GRID2: variants seen among roughly 807,000 people sequenced by gnomAD.
GRID2 encodes the protein glutamate ionotropic receptor delta type subunit 2.
Under a neutral mutation model 114.8 loss-of-function variants are expected in GRID2, and 33 were observed. That is an observed-to-expected ratio of 0.29 (90% confidence interval 0.22 to 0.38). The LOEUF (loss-of-function observed/expected upper bound fraction) is 0.38. Ranked by LOEUF, GRID2 falls within the 10% of genes least tolerant of loss-of-function variation. GRID2 has a pLI of 1.00. For missense variants in GRID2, 1,184 were observed against 1,257.7 expected (o/e 0.94, Z 0.89); for synonymous variants, 505 against 449.9 (o/e 1.12, Z -1.55).
intron 2 of GRID2, among the ~76,000 whole-genome samples, chr4:92,714,665 G>T (rs1349143477): frequency 3.3e-5 from 5 of 152,118 alleles, no homozygotes; most frequent in Admixed American, 3.3e-4. Flanking sequence ...GCACCCACAG[G>T]CTCAATGCCA....
intron 5 of GRID2, among the ~76,000 whole-genome samples, chr4:93,211,560 A>G (rs558733806): frequency 5.3e-5 from 8 of 152,226 alleles, no homozygotes; most frequent in African/African-American, 1.9e-4. Context: ...GGAGACCTCA[A>G]TTATTTTCTT....
chr4:93,161,634 A>G (rs1295868529), intron 4 of GRID2, among the ~76,000 whole-genome samples: 2 of 151,872 alleles, frequency 1.3e-5, no homozygotes, highest in African/African-American at 4.8e-5. Flanking sequence ...ATTAAGCACC[A>G]GACTCAACAC....
At chr4:93,510,929 A>G (rs1360382201) in intron 12 of GRID2, among the ~76,000 whole-genome samples, 1 of 151,690 alleles carries the variant, frequency 6.6e-6, no homozygotes, top group Non-Finnish European at 1.5e-5. Flanking sequence ...ATTTAATTGT[A>G]TTATTTTTAT....
At chr4:92,544,875 A>C (rs192439918) in intron 1 of GRID2, among the ~76,000 whole-genome samples, 1 of 152,154 alleles carries the variant, frequency 6.6e-6, no homozygotes, top group African/African-American at 2.4e-5. Flanking sequence ...CTTCATCTAA[A>C]TCATGCCGCA....
intron 1 of GRID2, among the ~76,000 whole-genome samples, chr4:92,436,587 A>AGAT (rs968796189): frequency 6.6e-6 from 1 of 152,096 alleles, no homozygotes; most frequent in African/African-American, 2.4e-5. Context: ...TGAAGTGTAC[A>AGAT]GATAGTCTTG....
rs566044019 is a variant in GRID2, at chr4:92,431,608, C to T, written c.88+126864C>T. 1.6e-3 allele frequency among the ~76,000 whole-genome samples: 240 copies of T among 147,674 alleles called. 1 individual carries two copies. Among genetic ancestry groups the T allele is most frequent in the Non-Finnish European group, 2.7e-3 (183 of 67,222 alleles). ...TTTTTTTTTAATAACAGTGTAATAT[C>T]CTTCAAACATGAATAAGAAAGACTT... On this transcript the variant is annotated intron_variant, in intron 1 of 15. Transcript: ENST00000282020.
At chr4:93,292,509 AG>A in intron 8 of GRID2, among the ~76,000 whole-genome samples, 1 of 152,304 alleles carries the variant, frequency 6.6e-6, no homozygotes, top group South Asian at 2.1e-4. Flanking sequence ...TTTCTTTCCC[AG>A]GTAGAAACTC....
At chr4:92,757,346 T>TG (rs1324025630) in intron 2 of GRID2, among the ~76,000 whole-genome samples, 1 of 152,066 alleles carries the variant, frequency 6.6e-6, no homozygotes, top group Non-Finnish European at 1.5e-5. Context: ...ATGCTATCTG[T>TG]GATGAGGTAA....
chr4:93,027,770 A>C (rs2149253686), intron 2 of GRID2, among the ~76,000 whole-genome samples: 1 of 152,262 alleles, frequency 6.6e-6, no homozygotes, highest in South Asian at 2.1e-4. Flanking sequence ...AAATACCTAA[A>C]TACAAATTTA....
intron 1 of GRID2, among the ~76,000 whole-genome samples, chr4:93,783,860 C>G (rs923277776): frequency 4.0e-5 from 6 of 151,600 alleles, no homozygotes; most frequent in Non-Finnish European, 8.8e-5. Flanking sequence ...ATCACGAGGT[C>G]AGGAGATCGA....
At chr4:92,476,767 T>C (rs1340632153) in intron 1 of GRID2, among the ~76,000 whole-genome samples, 1 of 152,196 alleles carries the variant, frequency 6.6e-6, no homozygotes, top group Admixed American at 6.5e-5. Flanking sequence ...TTTACTTAAT[T>C]ACTATCACAA....
intron 2 of GRID2, among the ~76,000 whole-genome samples, chr4:92,793,521 G>T (rs1212833034): frequency 6.6e-6 from 1 of 150,620 alleles, no homozygotes; most frequent in Non-Finnish European, 1.5e-5. Context: ...TAACAAATCT[G>T]CACTTTTACC....
intron 13 of GRID2, among the ~76,000 whole-genome samples, chr4:93,587,502 G>A (rs1435623174): frequency 6.6e-6 from 1 of 152,002 alleles, no homozygotes; most frequent in African/African-American, 2.4e-5. Flanking sequence ...CCATATTTGG[G>A]GGAGTTATTA....
At chr4:92,321,916 T>A (rs2110128202) in intron 1 of GRID2, among the ~76,000 whole-genome samples, 1 of 152,270 alleles carries the variant, frequency 6.6e-6, no homozygotes, top group Admixed American at 6.5e-5. Context: ...TTTCAAAGTC[T>A]CAAATTTACC....
chr4:92,863,598 T>G (rs1744670850), intron 2 of GRID2, among the ~76,000 whole-genome samples: 1 of 152,178 alleles, frequency 6.6e-6, no homozygotes, highest in African/African-American at 2.4e-5. Context: ...AAGTACATAT[T>G]TGTGAAGCTT....
intron 13 of GRID2, among the ~76,000 whole-genome samples, chr4:93,621,141 CA>C (rs1389920923): frequency 6.6e-6 from 1 of 152,054 alleles, no homozygotes; most frequent in African/African-American, 2.4e-5. Context: ...TGAATTTAAA[CA>C]ACAACTGTTA....
chr4:92,586,651 T>C (rs1728465169), intron 1 of GRID2, among the ~76,000 whole-genome samples: 1 of 152,078 alleles, frequency 6.6e-6, no homozygotes, highest in South Asian at 2.1e-4. Context: ...ATTTAAGCCA[T>C]TATCATTGCT....
intron 1 of GRID2, among the ~76,000 whole-genome samples, chr4:92,366,962 A>T (rs1308295809): frequency 6.6e-6 from 1 of 152,114 alleles, no homozygotes; most frequent in Admixed American, 6.6e-5. Context: ...ATAAAAGATC[A>T]TGGGGATTCA....
chr4:92,825,524 G>A (rs187163487), intron 2 of GRID2, among the ~76,000 whole-genome samples: 130 of 152,182 alleles, frequency 8.5e-4, no homozygotes, highest in Non-Finnish European at 1.6e-3. Flanking sequence ...CTGCAGTCTT[G>A]TCTGTTTGCT....
Sources: allele counts gnomAD v4.1 joint callset (sites outside exome capture counted in the v4.1 genomes callset), GRCh38; gene constraint gnomAD v4.1.1; transcripts MANE v1.5; gene names NCBI Gene and HGNC (gene_info 2026-07-23, HGNC 2026-07-21).